BNC2: variants seen among roughly 807,000 people sequenced by gnomAD.
The protein encoded by BNC2 is zinc finger protein basonuclin-2.
Under a neutral mutation model 76.3 loss-of-function variants are expected in BNC2, and 20 were observed. The ratio of observed to expected loss-of-function variants is 0.26; its 90% CI spans 0.18 to 0.38. BNC2 has a LOEUF of 0.38. Ranked by LOEUF, BNC2 falls within the 10% of genes least tolerant of loss-of-function variation. The probability of loss-of-function intolerance (pLI) is 1.00; values close to 1 mark genes in which losing one functional copy is unlikely to be tolerated. For missense variants in BNC2, 1,382 were observed against 1,399.8 expected, an observed-to-expected ratio of 0.99 and a Z score of 0.20; for synonymous variants, 582 against 514.8, an observed-to-expected ratio of 1.13 and a Z score of -1.77.
At chr9:16,851,070 TG>T (rs546493604) in intron 1 of BNC2, among the ~76,000 whole-genome samples, 161 of 152,338 alleles carry the variant, frequency 1.1e-3, no homozygotes, top group African/African-American at 3.8e-3. Flanking sequence ...TATTTGTAAC[TG>T]CTTATTTGTG....
chr9:16,595,327 G>C (rs913302147), intron 3 of BNC2, among the ~76,000 whole-genome samples: 2 of 152,068 alleles, frequency 1.3e-5, no homozygotes, highest in African/African-American at 4.8e-5. Context: ...TATCAGCAAA[G>C]GAATCATACC....
At chr9:16,498,152 T>TAC (rs1822435950) in intron 5 of BNC2, among the ~76,000 whole-genome samples, 1 of 146,482 alleles carries the variant, frequency 6.8e-6, no homozygotes, top group African/African-American at 2.5e-5. Context: ...ATCATATATA[T>TAC]TCCATCATAT....
intron 5 of BNC2, among the ~76,000 whole-genome samples, chr9:16,460,312 GAAAA>G (rs754774287): frequency 7.9e-5 from 11 of 139,836 alleles, no homozygotes; most frequent in African/African-American, 2.6e-4. Context: ...AAACGGAACA[GAAAA>G]AAAAAAAAAG....
At chr9:16,471,000 C>T (rs1425696064) in intron 5 of BNC2, among the ~76,000 whole-genome samples, 3 of 152,172 alleles carry the variant, frequency 2.0e-5, no homozygotes, top group South Asian at 2.1e-4. Flanking sequence ...CACAGACACT[C>T]AATGCCAGCC....
chr9:16,474,725 G>A (rs1005985289), intron 5 of BNC2, among the ~76,000 whole-genome samples: 3 of 151,722 alleles, frequency 2.0e-5, no homozygotes, highest in South Asian at 2.1e-4. Flanking sequence ...TGAAGCTTTC[G>A]TTGAAAAAAA....
At chr9:16,857,316 T>C (rs1446857474) in intron 1 of BNC2, among the ~76,000 whole-genome samples, 1 of 151,254 alleles carries the variant, frequency 6.6e-6, no homozygotes, top group Non-Finnish European at 1.5e-5. Context: ...CGTCTAAACA[T>C]ACAAAACAAA....
At position 16,414,288 on chromosome 9, in the gene BNC2, T is replaced by G. The variant is rs1051335096; in HGVS notation, c.*4701A>C. On this transcript the variant is annotated 3_prime_UTR_variant, in exon 7 of 7. Coordinates refer to ENST00000380672, the MANE Select transcript of BNC2 (RefSeq NM_017637.6). ...CCAACATTTCCAGTGCATTCATGAT[T>G]TCCTTTTCTAGCTACCCCAAAACCA... The G allele has an allele frequency of 6.6e-6, 1 of 152,244 alleles. No homozygotes were observed. Among genetic ancestry groups the G allele is most frequent in the Admixed American group, 6.5e-5 (1 of 15,274 alleles). 9.4% of individuals were successfully genotyped at this position (152,244 alleles called of 1,614,324 possible). A position where few individuals can be genotyped will look rare whatever the true frequency, so the allele number is the denominator to read the frequency against.
At chr9:16,605,203 C>G (rs1235474526) in intron 3 of BNC2, among the ~76,000 whole-genome samples, 10 of 152,132 alleles carry the variant, frequency 6.6e-5, no homozygotes, top group Non-Finnish European at 1.5e-4. Flanking sequence ...AGGAAATTAT[C>G]CTAAAGATTT....
chr9:16,789,297 G>A (rs563271598), intron 1 of BNC2, among the ~76,000 whole-genome samples: 32 of 152,086 alleles, frequency 2.1e-4, no homozygotes, highest in Non-Finnish European at 4.0e-4. Flanking sequence ...TGATTGTCAC[G>A]GTGGCCATGG....
intron 3 of BNC2, among the ~76,000 whole-genome samples, chr9:16,723,136 C>T (rs1250367779): frequency 6.6e-6 from 1 of 152,038 alleles, no homozygotes; most frequent in Non-Finnish European, 1.5e-5. Flanking sequence ...ATTAAGACCA[C>T]AAGTTTAGTC....
intron 5 of BNC2, among the ~76,000 whole-genome samples, chr9:16,547,296 T>C (rs1239457390): frequency 6.6e-6 from 1 of 152,234 alleles, no homozygotes; most frequent in Non-Finnish European, 1.5e-5. Context: ...TTTCTTCTTA[T>C]TGCCCTCAAC....
rs535975842 is a variant in BNC2 at position 16,776,138 on chromosome 9, T to C, written c.4-37653A>G. ...TGGCTTTAGAATACACACCATGATT[T>C]ACTTATTCATATTTTTTTAAGAGGG... On this transcript the variant is annotated intron_variant, in intron 1 of 6. Transcript: ENST00000380672. Among the ~76,000 whole-genome samples, 26 of 152,238 alleles carry C rather than the reference T, an allele frequency of 1.7e-4. 1 individual carries two copies. The highest frequency in any genetic ancestry group is 6.0e-4 in the African/African-American group (25 of 41,540).
intron 3 of BNC2, among the ~76,000 whole-genome samples, chr9:16,689,733 G>A (rs1029944581): frequency 4.0e-5 from 6 of 151,866 alleles, no homozygotes; most frequent in Non-Finnish European, 8.8e-5. Context: ...AAGCACTGCC[G>A]GATTCCAAGC....
intron 5 of BNC2, among the ~76,000 whole-genome samples, chr9:16,551,244 T>A (rs1030054645): frequency 6.6e-6 from 1 of 152,228 alleles, no homozygotes; most frequent in Admixed American, 6.5e-5. Context: ...AATTAAGACG[T>A]CATTCTATTC....
intron 1 of BNC2, among the ~76,000 whole-genome samples, chr9:16,820,441 A>G (rs983717791): frequency 1.6e-4 from 25 of 152,142 alleles, no homozygotes; most frequent in African/African-American, 5.8e-4. Context: ...AAAAAAAGCA[A>G]TAATAAGGCC....
At chr9:16,518,701 C>T (rs1463580465) in intron 5 of BNC2, among the ~76,000 whole-genome samples, 5 of 152,084 alleles carry the variant, frequency 3.3e-5, no homozygotes, top group South Asian at 2.1e-4. Context: ...CCCGGGTTCA[C>T]GTGATTCTCC....
chr9:16,803,293 T>C (rs1005735584), intron 1 of BNC2, among the ~76,000 whole-genome samples: 22 of 152,230 alleles, frequency 1.4e-4, no homozygotes, highest in Admixed American at 6.5e-4. Flanking sequence ...GCTGAAATCC[T>C]GCTGGAAATG....
chr9:16,440,073 A>G (rs2130899937), intron 5 of BNC2, among the ~76,000 whole-genome samples: 1 of 152,348 alleles, frequency 6.6e-6, no homozygotes, highest in East Asian at 1.9e-4. Flanking sequence ...TTGGTGCTAT[A>G]GGTAAATAGA....
chr9:16,806,935 G>A (rs1046160157), intron 1 of BNC2, among the ~76,000 whole-genome samples: 1 of 152,150 alleles, frequency 6.6e-6, no homozygotes, highest in Non-Finnish European at 1.5e-5. Flanking sequence ...CTTTGTCAGT[G>A]CAGCACTCAC....
Sources: allele counts gnomAD v4.1 joint callset (sites outside exome capture counted in the v4.1 genomes callset), GRCh38; gene constraint gnomAD v4.1.1; transcripts MANE v1.5; gene names NCBI Gene and HGNC (gene_info 2026-07-23, HGNC 2026-07-21).